Variants in SMARCC1 observed in about 807,000 individuals in gnomAD.
SMARCC1 encodes SWI/SNF complex subunit SMARCC1.
SMARCC1 carries 43 observed loss-of-function variants against 147.4 expected under a neutral mutation model. That is an observed-to-expected ratio of 0.29 (90% confidence interval 0.23 to 0.38). The LOEUF is 0.38. SMARCC1 is among the 10% of genes least tolerant of loss of function. The pLI, the probability that SMARCC1 is intolerant of heterozygous loss-of-function variation, is 1.00. For missense variants in SMARCC1, 1,119 were observed against 1,381.1 expected (o/e 0.81, Z 3.01); for synonymous variants, 495 against 484.4 (o/e 1.02, Z -0.29).
At chr3:47,598,003 T>G (rs75890548) in intron 26 of SMARCC1, among the ~76,000 whole-genome samples, 1 of 152,162 alleles carries the variant, frequency 6.6e-6, no homozygotes, top group African/African-American at 2.4e-5. Flanking sequence ...GAGTTTCAAA[T>G]AGAGCAGTGG....
At chr3:47,591,512 C>A (rs1374255822) in intron 26 of SMARCC1, among the ~76,000 whole-genome samples, 1 of 148,966 alleles carries the variant, frequency 6.7e-6, no homozygotes, top group East Asian at 2.0e-4. Context: ...CTACTGTTTT[C>A]TCCCTTTCCT....
chr3:47,667,588 A>T (rs2033438395), intron 19 of SMARCC1, among the ~76,000 whole-genome samples: 1 of 152,106 alleles, frequency 6.6e-6, no homozygotes, highest in Non-Finnish European at 1.5e-5. Context: ...ACTTAAAAGA[A>T]ATTGTGAAGG....
At chr3:47,741,742 A>T (rs2034512528) in intron 3 of SMARCC1, among the ~76,000 whole-genome samples, 1 of 151,304 alleles carries the variant, frequency 6.6e-6, no homozygotes, top group Admixed American at 6.6e-5. Flanking sequence ...ATATCTATTT[A>T]TTTTACTATT....
intron 26 of SMARCC1, among the ~76,000 whole-genome samples, chr3:47,593,807 A>G (rs190146792): frequency 6.6e-5 from 10 of 152,292 alleles, no homozygotes; most frequent in Non-Finnish European, 1.3e-4. Context: ...TGATCTAAGA[A>G]CCTGAGAGAG....
At chr3:47,677,124 T>C (rs893182582) in intron 16 of SMARCC1, among the ~76,000 whole-genome samples, 4 of 151,852 alleles carry the variant, frequency 2.6e-5, no homozygotes, top group African/African-American at 9.7e-5. Context: ...CGTGACAGAG[T>C]CTCGCTCTGT....
chr3:47,645,113 T>C (rs1202940735), intron 21 of SMARCC1, among the ~76,000 whole-genome samples: 1 of 152,106 alleles, frequency 6.6e-6, no homozygotes. Flanking sequence ...AGTGAGACAC[T>C]GTCTCTACAA....
chr3:47,663,900 G>A, intron 19 of SMARCC1: 5 of 1,480,468 alleles, frequency 3.4e-6, no homozygotes, highest in East Asian at 2.3e-5. Context: ...ATCTTGCTGG[G>A]TCTAGCTGTC....
At chr3:47,664,587 A>G (rs2033398774) in intron 19 of SMARCC1, among the ~76,000 whole-genome samples, 1 of 152,308 alleles carries the variant, frequency 6.6e-6, no homozygotes, top group Non-Finnish European at 1.5e-5. Context: ...GAAAACCACA[A>G]CTATGTGGTG....
chr3:47,742,312 A>G (rs2034518354), intron 3 of SMARCC1, among the ~76,000 whole-genome samples: 2 of 151,886 alleles, frequency 1.3e-5, no homozygotes, highest in Non-Finnish European at 2.9e-5. Flanking sequence ...TTAGAACTGT[A>G]GGAAAAAATA....
chr3:47,742,287 CAT>C (rs1242318602), intron 3 of SMARCC1, among the ~76,000 whole-genome samples: 3 of 150,640 alleles, frequency 2.0e-5, no homozygotes, highest in Admixed American at 2.0e-4. Context: ...AAAAAAAAAA[CAT>C]GTAACAATCT....
chr3:47,659,947 G>A (rs1199593781), intron 21 of SMARCC1, among the ~76,000 whole-genome samples: 2 of 152,168 alleles, frequency 1.3e-5, no homozygotes, highest in African/African-American at 2.4e-5. Context: ...ACTTAGAAAT[G>A]TTATACATTA....
intron 3 of SMARCC1, among the ~76,000 whole-genome samples, chr3:47,743,227 A>C (rs921173601): frequency 6.6e-6 from 1 of 152,212 alleles, no homozygotes; most frequent in Non-Finnish European, 1.5e-5. Flanking sequence ...AGTTACTAAA[A>C]TATGCACTCA....
intron 8 of SMARCC1, among the ~76,000 whole-genome samples, chr3:47,711,507 A>G (rs2034084637): frequency 6.6e-6 from 1 of 152,230 alleles, no homozygotes; most frequent in Non-Finnish European, 1.5e-5. Context: ...TTCCTTGTAC[A>G]GAAAAACTCA....
rs374458707 is a variant in SMARCC1 at position 47,742,897 on chromosome 3, A to G, written c.401+3011T>C. ...CACAGCTGGCCAATTCTGTAATATT[A>G]ATCTGTACAGTCTCTTCACAAATAT... is the stretch of plus-strand genomic sequence containing the variant. On this transcript the variant is annotated intron_variant, in intron 3 of 27. Coordinates refer to ENST00000254480, the MANE Select transcript of SMARCC1 (RefSeq NM_003074.4). 9.2e-5 allele frequency among the ~76,000 whole-genome samples: 14 copies of G among 152,264 alleles called. No homozygotes were observed. In the East Asian group the frequency reaches 2.7e-3, roughly 29 times the overall value.
intron 2 of SMARCC1, among the ~76,000 whole-genome samples, chr3:47,755,634 G>A (rs949128955): frequency 4.0e-5 from 6 of 149,804 alleles, no homozygotes; most frequent in East Asian, 2.0e-4. Flanking sequence ...CAAGGCGGGC[G>A]GATCATGAGG....
chr3:47,694,948 C>T (rs1175552899), intron 11 of SMARCC1, among the ~76,000 whole-genome samples: 1 of 152,118 alleles, frequency 6.6e-6, no homozygotes, highest in Admixed American at 6.6e-5. Context: ...AATACTTTCT[C>T]CCCCTACAAA....
rs1249572441 is a variant in SMARCC1 at position 47,706,497 on chromosome 3, C to T, written c.952G>A (p.Ala318Thr). ...VRSPERRDRK[A>T]SANARKRKHS... ...TTCCTCTTTCGAGCATTAGCTGATG[C>T]TTTTCTATCTCTTCTTTCTGGACTT... The change falls in exon 10 of 28, where the codon GCA becomes ACA. Residue 318 changes from alanine (A) to threonine (T), a missense_variant. Ala to Thr is a moderately conservative substitution (Grantham distance 58). This residue lies in a region of SMARCC1 where 542 missense variants were observed against 611.8 expected (regional missense o/e 0.89). Coordinates refer to ENST00000254480, the MANE Select transcript of SMARCC1 (RefSeq NM_003074.4). The T allele has an allele frequency of 3.8e-6, 6 of 1,585,090 alleles. No individual in the cohort carries two copies. The highest frequency in any genetic ancestry group is 5.1e-6 in the Non-Finnish European group (6 of 1,168,944).
chr3:47,664,253 G>T (rs1248273245), intron 19 of SMARCC1, among the ~76,000 whole-genome samples: 1 of 150,320 alleles, frequency 6.7e-6, no homozygotes, highest in Non-Finnish European at 1.5e-5. Flanking sequence ...AATAAAGAAT[G>T]TATAAGAGCA....
chr3:47,622,625 G>A (rs1473565298), intron 24 of SMARCC1, among the ~76,000 whole-genome samples: 1 of 152,120 alleles, frequency 6.6e-6, no homozygotes, highest in Non-Finnish European at 1.5e-5. Flanking sequence ...GGCCAAAGAT[G>A]AGGACAGGAG....
Sources: gnomAD v4.1 joint callset for allele counts (sites outside exome capture counted in the v4.1 genomes callset) on GRCh38, gnomAD v4.1.1 for gene constraint, gnomAD v4.1.1 regional missense constraint, MANE v1.5 for transcripts, NCBI Gene and HGNC (gene_info 2026-07-23, HGNC 2026-07-21) for gene names.